The following USP39 variants were observed in gnomAD, a reference collection of about 807,000 sequenced individuals.
The protein encoded by USP39 is ubiquitin specific peptidase 39.
In USP39, 38 loss-of-function variants were observed where a neutral mutation model predicts 66.4. The ratio of observed to expected loss-of-function variants is 0.57; its 90% CI spans 0.44 to 0.75. USP39 has a LOEUF of 0.75. Among genes scored for constraint, USP39 ranks in the 30% least tolerant of loss-of-function variants. USP39 has a pLI of 0.00. For missense variants in USP39, 608 were observed against 714.4 expected (o/e 0.85, Z 1.70); for synonymous variants, 303 against 274.6 (o/e 1.10, Z -1.02).
chr2:85,609,570 TG>T (rs760829024), upstream of USP39: 22 of 1,614,026 alleles, frequency 1.4e-5, no homozygotes, highest in Non-Finnish European at 1.4e-5. Flanking sequence ...CTGGGTTGCG[TG>T]GGTGGGCAGA....
At position 85,636,183 on chromosome 2, in the gene USP39, T is replaced by C. The variant is rs1573434806; in HGVS notation, c.1027+53T>C. On this transcript the variant is annotated intron_variant, in intron 7 of 12. Transcript: ENST00000323701. ...TATTTTGTTCCCTTTTAAAAAACTTTGCGGTCGGTCGCAATGGCTCATGCC... is the reference window on the plus strand; with the variant it reads ...TATTTTGTTCCCTTTTAAAAAACTTCGCGGTCGGTCGCAATGGCTCATGCC... 19 of 1,576,466 alleles carry C rather than the reference T, an allele frequency of 1.2e-5. No homozygotes were observed. In the East Asian group the frequency reaches 3.4e-4, roughly 28 times the overall value.
chr2:85,611,101 G>T, upstream of USP39: 1 of 272,018 alleles, frequency 3.7e-6, no homozygotes, highest in Non-Finnish European at 6.0e-6. Context: ...ATTAACCGGT[G>T]TGGTGGCACA....
At chr2:85,635,628 A>C (rs1265295868) in intron 6 of USP39, among the ~76,000 whole-genome samples, 1 of 152,144 alleles carries the variant, frequency 6.6e-6, no homozygotes, top group Non-Finnish European at 1.5e-5. Flanking sequence ...TTTTCATGGA[A>C]TATTGTCAAT....
chr2:85,609,969 C>A (rs148334198), upstream of USP39, among the ~76,000 whole-genome samples: 30 of 151,062 alleles, frequency 2.0e-4, no homozygotes, highest in Non-Finnish European at 4.0e-4. Flanking sequence ...GCGTGAGCCA[C>A]TGCACCCAGC....
chr2:85,630,659 A>G, intron 5 of USP39, 62 bp from the exon 6 acceptor site: 3 of 1,497,432 alleles, frequency 2.0e-6, no homozygotes, highest in East Asian at 2.3e-5. Context: ...TTTAATTGGA[A>G]GAGCTTGGCT....
chr2:85,616,113 A>T, upstream of USP39: 1 of 1,371,918 alleles, frequency 7.3e-7, no homozygotes, highest in South Asian at 1.8e-5. Context: ...GGGGCTCGCT[A>T]CCAGCCCCTC....
chr2:85,606,219 A>G (rs945325585), intron 1 of USP39, among the ~76,000 whole-genome samples: 17 of 152,198 alleles, frequency 1.1e-4, no homozygotes, highest in Non-Finnish European at 1.5e-5. Context: ...TAGTCAAATG[A>G]GCGGATTCTA....
At chr2:85,610,044 T>C (rs1027267250), upstream of USP39, among the ~76,000 whole-genome samples, 1 of 146,740 alleles carries the variant, frequency 6.8e-6, no homozygotes, top group Non-Finnish European at 1.5e-5. Flanking sequence ...AGACGGAGTC[T>C]TGCTCTGTTG....
chr2:85,636,539 C>T (rs573218443), intron 7 of USP39, among the ~76,000 whole-genome samples: 43 of 152,232 alleles, frequency 2.8e-4, no homozygotes, highest in Admixed American at 6.5e-4. Flanking sequence ...CAGAGTCTTG[C>T]TCTGTCACCT....
At chr2:85,622,090 G>A (rs1674507793) in intron 3 of USP39, among the ~76,000 whole-genome samples, 1 of 151,952 alleles carries the variant, frequency 6.6e-6, no homozygotes, top group African/African-American at 2.4e-5. Context: ...ACAGTGCTGG[G>A]ATTACAGGCG....
At chr2:85,643,451 G>A (rs929824018) in intron 10 of USP39, among the ~76,000 whole-genome samples, 2 of 151,316 alleles carry the variant, frequency 1.3e-5, no homozygotes, top group African/African-American at 2.4e-5. Context: ...GATAGCTAGC[G>A]CCATTGCACT....
At chr2:85,615,568 G>A (rs1369567646), upstream of USP39, among the ~76,000 whole-genome samples, 3 of 152,290 alleles carry the variant, frequency 2.0e-5, no homozygotes, top group African/African-American at 7.2e-5. Flanking sequence ...CAGCCCCCAA[G>A]CCGCGGAGAC....
At chr2:85,631,413 C>T (rs1278660359) in intron 6 of USP39, among the ~76,000 whole-genome samples, 2 of 147,132 alleles carry the variant, frequency 1.4e-5, no homozygotes, top group African/African-American at 2.5e-5. Context: ...AACTTCTGGA[C>T]TCAAGGGATC....
chr2:85,640,735 A>G (rs1676170716), intron 9 of USP39, among the ~76,000 whole-genome samples: 2 of 146,290 alleles, frequency 1.4e-5, no homozygotes, highest in Admixed American at 1.4e-4. Context: ...GGCCTCCTAC[A>G]GTGATAGGAT....
chr2:85,628,895 T>G (rs1270859228), intron 5 of USP39, among the ~76,000 whole-genome samples: 1 of 152,084 alleles, frequency 6.6e-6, no homozygotes, highest in South Asian at 2.1e-4. Context: ...TCCTTAGAGG[T>G]GCCTGGGTTA....
chr2:85,614,470 C>T (rs778667954), upstream of USP39, among the ~76,000 whole-genome samples: 20 of 151,212 alleles, frequency 1.3e-4, no homozygotes, highest in Non-Finnish European at 2.2e-4. Flanking sequence ...GCCGAGATCT[C>T]ACCAATGCAC....
chr2:85,634,818 C>T (rs1413653794), intron 6 of USP39, among the ~76,000 whole-genome samples: 2 of 152,146 alleles, frequency 1.3e-5, no homozygotes, highest in Non-Finnish European at 1.5e-5. Context: ...TGTCAGCATT[C>T]ACTGTGTTCC....
chr2:85,618,336 G>T (rs1288965745), intron 1 of USP39, among the ~76,000 whole-genome samples: 7 of 151,710 alleles, frequency 4.6e-5, no homozygotes, highest in African/African-American at 1.4e-4. Flanking sequence ...GGCCAAGGAG[G>T]GTGGATCGCA....
upstream of USP39, chr2:85,616,068 G>A: frequency 1.3e-5 from 17 of 1,293,600 alleles, no homozygotes; most frequent in Non-Finnish European, 1.7e-5. Flanking sequence ...TTTCTGCAGC[G>A]TGATTTGTCC....
Sources: allele counts gnomAD v4.1 joint callset (sites outside exome capture counted in the v4.1 genomes callset), GRCh38; gene constraint gnomAD v4.1.1; transcripts MANE v1.5; gene names NCBI Gene and HGNC (gene_info 2026-07-23, HGNC 2026-07-21).